Variants in MMP27 observed in about 807,000 individuals in gnomAD.
The protein encoded by MMP27 is matrix metalloproteinase-27.
In MMP27, 51 loss-of-function variants were observed where a neutral mutation model predicts 48.1. The ratio of observed to expected loss-of-function variants is 1.06; its 90% confidence interval spans 0.85 to 1.34. The LOEUF (loss-of-function observed/expected upper bound fraction) is 1.34, where lower values mean the gene tolerates loss of function less well. MMP27 is among the 40% of genes most tolerant of loss of function. The pLI, the probability that MMP27 is intolerant of heterozygous loss-of-function variation, is 0.00. For synonymous variants in MMP27, 229 were observed against 208.9 expected, an observed-to-expected ratio of 1.10 and a Z score of -0.83; for missense variants, 698 against 619.3, an observed-to-expected ratio of 1.13 and a Z score of -1.35.
intron 2 of MMP27, among the ~76,000 whole-genome samples, chr11:102,704,010 C>A (rs1038673312): frequency 6.6e-6 from 1 of 152,184 alleles, no homozygotes; most frequent in African/African-American, 2.4e-5. Context: ...AGATCAAAGG[C>A]ATACCTCATC....
intron 4 of MMP27, among the ~76,000 whole-genome samples, chr11:102,700,287 T>G (rs1372678765): frequency 6.6e-6 from 1 of 152,234 alleles, no homozygotes; most frequent in African/African-American, 2.4e-5. Context: ...GACAAAAGTC[T>G]CTGTCTCATG....
chr11:102,695,475 C>T (rs543849595), intron 6 of MMP27, among the ~76,000 whole-genome samples: 14 of 152,334 alleles, frequency 9.2e-5, no homozygotes, highest in Non-Finnish European at 1.6e-4. Flanking sequence ...GAAATGTAAT[C>T]ACTGACATGC....
At chr11:102,692,097 A>T (rs1940481) in intron 9 of MMP27, 87 bp from the exon 10 acceptor site, 4 of 1,266,236 alleles carry the variant, frequency 3.2e-6, no homozygotes, top group Non-Finnish European at 4.2e-6. Flanking sequence ...GAAAAAAATA[A>T]CATTATGGAG....
At position 102,694,042 on chromosome 11, in the gene MMP27, C is replaced by T. The variant is rs138043626; in HGVS notation, c.1057G>A (p.Gly353Arg). 6.8e-5 allele frequency: 109 copies of T among 1,593,078 alleles called. No individual in the cohort carries two copies. Among genetic ancestry groups the T allele is most frequent in the Non-Finnish European group, 9.0e-5 (105 of 1,171,312 alleles). ...FKDENFWMIR[G>R]YAVLPDYPKS... ...GGATAATCTGGCAAGACAGCATATC[C>T]TCTGATCATCCAGAAGTTTTCATCT... Residue 353 changes from glycine to arginine, a missense_variant, in exon 8 of 10, where the codon GGA becomes AGA. Transcript: ENST00000260229.
At chr11:102,703,243 TCTTAC>T (rs1860980364) in intron 2 of MMP27, 125 bp from the exon 3 acceptor site, 2 of 818,408 alleles carry the variant, frequency 2.4e-6, no homozygotes, top group East Asian at 5.4e-5. Flanking sequence ...GGTGCAATTA[TCTTAC>T]AGTTGCATTA....
rs1861014716 is a variant in MMP27 at position 102,704,774 on chromosome 11, G to A, written c.104C>T (p.Ala35Val). 3 of 1,569,540 alleles carry A rather than the reference G, an allele frequency of 1.9e-6. No homozygotes were observed. The highest frequency in any genetic ancestry group is 2.6e-6 in the Non-Finnish European group (3 of 1,149,206). ...AAGAGAGTAGAACTGGTTGAGATATGCCTGACCAAAAAGATAAGAAAAAAA... is the reference window on the plus strand; with the variant it reads ...AAGAGAGTAGAACTGGTTGAGATATACCTGACCAAAAAGATAAGAAAAAAA... The part of the protein sequence containing the change: ...ENEENMQLAQ[A>V]YLNQFYSLEI... Residue 35 changes from alanine (A) to valine (V), a missense_variant and splice_region_variant, in exon 2 of 10, where the codon GCA becomes GTA. Coordinates refer to ENST00000260229, the MANE Select transcript of MMP27 (RefSeq NM_022122.3).
At chr11:102,700,721 A>T (rs537308434) in intron 4 of MMP27, among the ~76,000 whole-genome samples, 1 of 152,354 alleles carries the variant, frequency 6.6e-6, no homozygotes, top group African/African-American at 2.4e-5. Context: ...AGGCCTGTTC[A>T]GTTGTTTGGT....
rs191531071 is a variant in MMP27 at position 102,694,480 on chromosome 11, C to T, written c.1034-415G>A. 4.1e-3 allele frequency among the ~76,000 whole-genome samples: 618 copies of T among 152,192 alleles called. 1 individual carries two copies. Among genetic ancestry groups the T allele is most frequent in the Non-Finnish European group, 7.2e-3 (491 of 68,016 alleles). On this transcript the variant is annotated intron_variant, in intron 7 of 9. Transcript: ENST00000260229. ...TTCAGCCCCCAAGTGCTCTCAAAGGCTAGTAATCTGATAAGATCATGATCA... is the reference window on the plus strand; with the variant it reads ...TTCAGCCCCCAAGTGCTCTCAAAGGTTAGTAATCTGATAAGATCATGATCA...
intron 7 of MMP27, 95 bp downstream of exon 7, chr11:102,694,872 G>A (rs1193823176): frequency 2.1e-6 from 3 of 1,426,088 alleles, no homozygotes; most frequent in Non-Finnish European, 2.9e-6. Flanking sequence ...CTGCGCCTTG[G>A]CTCATGCATG....
chr11:102,704,797 A>G, intron 1 of MMP27, 22 bp from the exon 2 acceptor site: 1 of 1,503,734 alleles, frequency 6.7e-7, no homozygotes, highest in Non-Finnish European at 9.1e-7. Flanking sequence ...GATAAGAAAA[A>G]AAAAAAAGAG....
At position 102,691,515 on chromosome 11, in the gene MMP27, G is replaced by A. The variant is rs1319509979; in HGVS notation, c.*251C>T. On this transcript the variant is annotated 3_prime_UTR_variant, in exon 10 of 10. Transcript: ENST00000260229. ...AATGCTAAAGATTGGTTTAATAAATGTTTCAGTATTCAGTTATAAGACATG... is the reference window on the plus strand; with the variant it reads ...AATGCTAAAGATTGGTTTAATAAATATTTCAGTATTCAGTTATAAGACATG... The A allele has an allele frequency of 1.2e-5, 4 of 326,596 alleles. No individual in the cohort carries two copies. The highest frequency in any genetic ancestry group is 2.2e-5 in the Non-Finnish European group (4 of 179,492). The allele number at this position is 326,596 out of a possible 1,614,324, so 20.2% of individuals were successfully genotyped here. A position where few individuals can be genotyped will look rare whatever the true frequency, so the allele number is the denominator to read the frequency against.
At chr11:102,702,631 A>T (rs1456770555) in intron 4 of MMP27, 122 bp downstream of exon 4, 25 of 1,149,034 alleles carry the variant, frequency 2.2e-5, no homozygotes, top group Non-Finnish European at 2.5e-6. Context: ...GTCATCTTGG[A>T]ATATGGAAAA....
intron 1 of MMP27, 88 bp from the exon 2 acceptor site, chr11:102,704,863 A>G: frequency 1.3e-6 from 1 of 792,910 alleles, no homozygotes. Flanking sequence ...ATTGCCTAAA[A>G]TTCCTTCTGG....
intron 8 of MMP27, among the ~76,000 whole-genome samples, chr11:102,693,462 T>A (rs1433130818): frequency 2.0e-5 from 3 of 152,154 alleles, no homozygotes; most frequent in Non-Finnish European, 4.4e-5. Context: ...TTGATAAATG[T>A]CATCCACTGC....
In MMP27 at chr11:102,692,019, A is replaced by G. The variant is rs1860735183; in HGVS notation, c.1298-9T>C. On this transcript the variant is annotated splice_polypyrimidine_tract_variant and intron_variant, in intron 9 of 9. Transcript: ENST00000260229. ...GCTGAAAAAGAAGAATCCTAGAGAC[A>G]GGGAATCAGGATTAGTTATCTTTCA... 1 of 1,584,576 alleles carries G rather than the reference A, an allele frequency of 6.3e-7. No homozygotes were observed.
chr11:102,704,334 T>G (rs780192219), intron 2 of MMP27, among the ~76,000 whole-genome samples: 1 of 152,170 alleles, frequency 6.6e-6, no homozygotes, highest in Non-Finnish European at 1.5e-5. Context: ...AAATAAACTT[T>G]TGTTTCAGTT....
chr11:102,703,583 C>T (rs1020387850), intron 2 of MMP27, among the ~76,000 whole-genome samples: 6 of 151,692 alleles, frequency 4.0e-5, no homozygotes, highest in African/African-American at 1.2e-4. Context: ...AGTGCAGTGG[C>T]GCGACCTCGG....
In MMP27 at chr11:102,695,847, A is replaced by G. The variant is rs554351751; in HGVS notation, c.902+524T>C. Among the ~76,000 whole-genome samples, 8 of 152,362 alleles carry G rather than the reference A, an allele frequency of 5.3e-5. No homozygotes were observed. The South Asian group carries it at 1.2e-3, about 24-fold the overall frequency. On this transcript the variant is annotated intron_variant, in intron 6 of 9. Coordinates refer to ENST00000260229, the MANE Select transcript of MMP27 (RefSeq NM_022122.3). ...GTAGTGAGAGAAGGGATTTCCCACT[A>G]CAGCTAACACTTTATTGATGCAACT...
rs1263116365 is a variant in MMP27 at position 102,691,925 on chromosome 11, A to G, written c.1383T>C (p.Thr461=). 1 of 1,613,486 alleles carries G rather than the reference A, an allele frequency of 6.2e-7. No homozygotes were observed. Among genetic ancestry groups the G allele is most frequent in the Non-Finnish European group, 8.5e-7 (1 of 1,179,784 alleles). Reference sequence around the variant, plus strand: ...TCTTTGGTTCTTTGCATTGAAACCAAGTATTAGTTCTCATGATTCGGGTAA... The same window carrying G: ...TCTTTGGTTCTTTGCATTGAAACCAGGTATTAGTTCTCATGATTCGGGTAA... ...KNITRIMRTN[T]WFQCKEPKNS... The change falls in exon 10 of 10, where the codon ACT becomes ACC. Residue 461 remains threonine, a synonymous_variant. Transcript: ENST00000260229.
Sources: allele counts gnomAD v4.1 joint callset (sites outside exome capture counted in the v4.1 genomes callset), GRCh38; gene constraint gnomAD v4.1.1; transcripts MANE v1.5; gene names NCBI Gene and HGNC (gene_info 2026-07-23, HGNC 2026-07-21).